NTM: variants seen among roughly 807,000 people sequenced by gnomAD.
NTM encodes IgLON family member 2.
NTM carries 13 observed loss-of-function variants against 42.1 expected under a neutral mutation model. The ratio of observed to expected loss-of-function variants is 0.31; its 90% CI spans 0.20 to 0.49. The LOEUF is 0.49. NTM is among the 20% of genes least tolerant of loss of function. The pLI is 0.99. For missense variants in NTM, 373 were observed against 452.8 expected, an observed-to-expected ratio of 0.82 and a Z score of 1.60; for synonymous variants, 187 against 179.2, an observed-to-expected ratio of 1.04 and a Z score of -0.35.
At chr11:131,653,193 T>C (rs1224889402) in intron 1 of NTM, among the ~76,000 whole-genome samples, 1 of 152,192 alleles carries the variant, frequency 6.6e-6, no homozygotes, top group East Asian at 1.9e-4. Flanking sequence ...CTTTGTAGTC[T>C]TCCTTTCTTA....
rs539407974 is a variant in NTM at position 131,891,823 on chromosome 11, A to G, written c.83-19741A>G. Reference sequence around the variant, plus strand: ...TCTTTCTCTCTCTTTTACATGTCCCATTTTTTCACTGGGCCTAATTCTTGA... The same window carrying G: ...TCTTTCTCTCTCTTTTACATGTCCCGTTTTTTCACTGGGCCTAATTCTTGA... On this transcript the variant is annotated intron_variant, in intron 1 of 8. Transcript: ENST00000683400. 3.3e-5 allele frequency among the ~76,000 whole-genome samples: 5 copies of G among 152,066 alleles called. No homozygotes were observed. The East Asian group carries it at 9.7e-4, about 29-fold the overall frequency.
chr11:132,078,402 C>G (rs962419914), intron 2 of NTM, among the ~76,000 whole-genome samples: 2 of 152,212 alleles, frequency 1.3e-5, no homozygotes, highest in African/African-American at 4.8e-5. Flanking sequence ...GCACACTTAG[C>G]ACTGGGGTAC....
At chr11:131,766,244 C>T (rs1027837175) in intron 1 of NTM, among the ~76,000 whole-genome samples, 2 of 152,170 alleles carry the variant, frequency 1.3e-5, no homozygotes, top group Admixed American at 1.3e-4. Flanking sequence ...TGATGGGAAG[C>T]AAAGCAGGTT....
chr11:131,667,552 C>T (rs1384244889), intron 1 of NTM, among the ~76,000 whole-genome samples: 1 of 152,150 alleles, frequency 6.6e-6, no homozygotes, highest in Admixed American at 6.5e-5. Flanking sequence ...CCTTCTTTTG[C>T]CCCCAGTGAG....
intron 1 of NTM, among the ~76,000 whole-genome samples, chr11:131,886,681 C>T (rs992173183): frequency 5.3e-5 from 8 of 152,220 alleles, no homozygotes; most frequent in Non-Finnish European, 1.0e-4. Context: ...GGTGAGATCC[C>T]TGCAGAGGCC....
In NTM at chr11:131,955,354, C is replaced by T. The variant is rs992538978; in HGVS notation, c.167+43706C>T. Among the ~76,000 whole-genome samples the T allele has an allele frequency of 2.0e-5, 3 of 152,110 alleles. 1 individual carries two copies. In the South Asian group the frequency reaches 6.2e-4, roughly 32 times the overall value. On this transcript the variant is annotated intron_variant, in intron 2 of 8. Coordinates refer to ENST00000683400, the MANE Select transcript of NTM (RefSeq NM_001352005.2). ...GTTGAAGGGCTACTTGATCTTTTGT[C>T]CCTATTACCTAGACACATGGATCCT...
intron 1 of NTM, among the ~76,000 whole-genome samples, chr11:131,733,510 C>T (rs868473851): frequency 7.0e-6 from 1 of 142,080 alleles, no homozygotes. Context: ...TTCCTTCCTT[C>T]CTTCCTTCCT....
intron 1 of NTM, among the ~76,000 whole-genome samples, chr11:131,576,455 A>C (rs529907517): frequency 3.9e-4 from 60 of 152,088 alleles, no homozygotes; most frequent in Non-Finnish European, 7.8e-4. Context: ...ATTGTCTTAT[A>C]CTTTTGCTCG....
intron 2 of NTM, among the ~76,000 whole-genome samples, chr11:131,959,315 G>T (rs556967854): frequency 6.6e-6 from 1 of 152,086 alleles, no homozygotes; most frequent in African/African-American, 2.4e-5. Flanking sequence ...AAAGTTCTTC[G>T]CTGTATTAAC....
chr11:131,967,250 T>C (rs1469861536), intron 2 of NTM, among the ~76,000 whole-genome samples: 2 of 152,140 alleles, frequency 1.3e-5, no homozygotes, highest in Non-Finnish European at 1.5e-5. Context: ...GACTGTGAGA[T>C]AGAAGAGATC....
chr11:132,308,237 A>T (rs1351148367), intron 5 of NTM, among the ~76,000 whole-genome samples: 1 of 152,210 alleles, frequency 6.6e-6, no homozygotes. Context: ...GCTAGAGTGT[A>T]TGAAGGAAGT....
At chr11:131,781,604 G>T (rs923280562) in intron 1 of NTM, among the ~76,000 whole-genome samples, 2 of 152,040 alleles carry the variant, frequency 1.3e-5, no homozygotes, top group Admixed American at 6.6e-5. Flanking sequence ...ACATCAAAAG[G>T]CCAATAGTGA....
intron 1 of NTM, among the ~76,000 whole-genome samples, chr11:131,647,531 C>T (rs1385991132): frequency 6.6e-6 from 1 of 152,226 alleles, no homozygotes; most frequent in African/African-American, 2.4e-5. Context: ...TGTGATCTGA[C>T]ATACAATCAG....
intron 1 of NTM, among the ~76,000 whole-genome samples, chr11:131,592,158 G>A (rs893557861): frequency 2.0e-5 from 3 of 152,176 alleles, no homozygotes; most frequent in African/African-American, 7.2e-5. Flanking sequence ...CTTAGTATTT[G>A]TCAAAGGATC....
intron 1 of NTM, among the ~76,000 whole-genome samples, chr11:131,829,418 T>C (rs993787043): frequency 2.0e-5 from 3 of 152,200 alleles, no homozygotes; most frequent in African/African-American, 7.2e-5. Context: ...TAGGTGTCAC[T>C]TATAAGTGAG....
intron 1 of NTM, among the ~76,000 whole-genome samples, chr11:131,745,081 G>C (rs1042429415): frequency 5.3e-5 from 8 of 152,222 alleles, no homozygotes; most frequent in Admixed American, 1.3e-4. Context: ...GACACACAGA[G>C]GCCTGGACTT....
chr11:131,836,970 T>C (rs2136622027), intron 1 of NTM, among the ~76,000 whole-genome samples: 1 of 152,312 alleles, frequency 6.6e-6, no homozygotes, highest in Admixed American at 6.5e-5. Flanking sequence ...GGATCTTTTT[T>C]AAAACAAAAG....
intron 1 of NTM, among the ~76,000 whole-genome samples, chr11:131,658,117 C>T (rs1395670714): frequency 6.6e-6 from 1 of 152,152 alleles, no homozygotes; most frequent in Non-Finnish European, 1.5e-5. Context: ...GCATATTGCT[C>T]TCTTTCCATT....
At chr11:131,891,412 G>A (rs1405611977) in intron 1 of NTM, among the ~76,000 whole-genome samples, 1 of 152,174 alleles carries the variant, frequency 6.6e-6, no homozygotes, top group African/African-American at 2.4e-5. Flanking sequence ...AAGCACTTGG[G>A]AAGATGCTGT....
Sources: gnomAD v4.1 joint callset for allele counts (sites outside exome capture counted in the v4.1 genomes callset) on GRCh38, gnomAD v4.1.1 for gene constraint, MANE v1.5 for transcripts, NCBI Gene and HGNC (gene_info 2026-07-23, HGNC 2026-07-21) for gene names.